PCDHA12: variants seen among roughly 807,000 people sequenced by gnomAD.
The protein encoded by PCDHA12 is protocadherin alpha 12.
PCDHA12 carries 44 observed loss-of-function variants against 60.0 expected under a neutral mutation model. The ratio of observed to expected loss-of-function variants is 0.73; its 90% confidence interval spans 0.58 to 0.94. The LOEUF is 0.94. Among genes scored for constraint, PCDHA12 ranks in the 40% least tolerant of loss-of-function variants. The pLI is 0.00. For synonymous variants in PCDHA12, 569 were observed against 553.0 expected, an observed-to-expected ratio of 1.03 and a Z score of -0.40; for missense variants, 1,276 against 1,239.7, an observed-to-expected ratio of 1.03 and a Z score of -0.44.
Position 141,010,268 on chromosome 5 carries a change from A to T in PCDHA12, c.*331A>T. 1 of 1,551,622 alleles carries T rather than the reference A, an allele frequency of 6.4e-7. No homozygotes were observed. Among genetic ancestry groups the T allele is most frequent in the Non-Finnish European group, 8.7e-7 (1 of 1,146,964 alleles). On this transcript the variant is annotated 3_prime_UTR_variant, in exon 4 of 4. Coordinates refer to ENST00000398631, the MANE Select transcript of PCDHA12 (RefSeq NM_018903.4). ...GGACTCTCTGCCCTGTGCTCCGGGG[A>T]TCCTGTCTTGATGACACTTGCAGGG...
chr5:140,968,935 C>T, intron 1 of PCDHA12: 1 of 1,614,172 alleles, frequency 6.2e-7, no homozygotes, highest in Non-Finnish European at 8.5e-7. Context: ...TTTTGACAAT[C>T]ATCATTTTGA....
At chr5:140,973,800 C>A (rs1554235613) in intron 1 of PCDHA12, among the ~76,000 whole-genome samples, 1 of 152,236 alleles carries the variant, frequency 6.6e-6, no homozygotes, top group Non-Finnish European at 1.5e-5. Context: ...ATGCTGTCTA[C>A]TTGACAGAAT....
intron 1 of PCDHA12, among the ~76,000 whole-genome samples, chr5:140,880,237 T>C (rs2058279701): frequency 6.6e-6 from 1 of 152,148 alleles, no homozygotes; most frequent in Non-Finnish European, 1.5e-5. Flanking sequence ...AATTAGTGTA[T>C]GTGCGTGTGT....
At chr5:140,973,400 A>G (rs2096585870) in intron 1 of PCDHA12, among the ~76,000 whole-genome samples, 1 of 152,244 alleles carries the variant, frequency 6.6e-6, no homozygotes, top group Non-Finnish European at 1.5e-5. Flanking sequence ...AATCATATCT[A>G]TGAGCTTCCA....
chr5:140,967,707 C>G, intron 1 of PCDHA12: 1 of 1,614,158 alleles, frequency 6.2e-7, no homozygotes, highest in Non-Finnish European at 8.5e-7. Flanking sequence ...GATGCCAGTA[C>G]CGGGGAAGTG....
chr5:140,933,130 AAGGTAGAT>A (rs1554209200), intron 1 of PCDHA12, among the ~76,000 whole-genome samples: 1 of 151,994 alleles, frequency 6.6e-6, no homozygotes, highest in East Asian at 1.9e-4. Context: ...CTAAATAATA[AAGGTAGAT>A]AGCCACTCAT....
chr5:140,923,033 A>T (rs6895136), intron 1 of PCDHA12, among the ~76,000 whole-genome samples: 8,640 of 152,308 alleles, frequency 0.057, 727 homozygotes, highest in African/African-American at 0.19. Flanking sequence ...CTCTATTACT[A>T]CATGTATAGT....
intron 1 of PCDHA12, chr5:140,882,353 G>A (rs782054546): frequency 2.5e-6 from 4 of 1,614,174 alleles, no homozygotes; most frequent in Non-Finnish European, 3.4e-6. Flanking sequence ...GACGGGTAGT[G>A]GCCAGCTCCA....
At chr5:140,936,875 C>T (rs1052156307) in intron 1 of PCDHA12, among the ~76,000 whole-genome samples, 13 of 151,832 alleles carry the variant, frequency 8.6e-5, no homozygotes, top group Non-Finnish European at 1.5e-5. Flanking sequence ...TTTAAAAAAC[C>T]CTGCTTTGAT....
rs368334312 is a variant in PCDHA12 at position 140,876,999 on chromosome 5, G to T, written c.1527G>T (p.Ser509=). The part of the protein sequence containing the change: ...VGEHALSSYV[S]VHAESGKVYA... ...AGCACGCACTGTCGAGCTACGTGTC[G>T]GTGCACGCGGAGAGCGGCAAGGTGT... is the stretch of plus-strand genomic sequence containing the variant. The change falls in exon 1 of 4, where the codon TCG becomes TCT. Residue 509 remains serine (S), a synonymous_variant. Coordinates refer to ENST00000398631, the MANE Select transcript of PCDHA12 (RefSeq NM_018903.4). 2 of 1,612,546 alleles carry T rather than the reference G, an allele frequency of 1.2e-6. No individual in the cohort carries two copies. Among genetic ancestry groups the T allele is most frequent in the Non-Finnish European group, 1.7e-6 (2 of 1,179,788 alleles).
chr5:141,001,764 G>A (rs1186356180), intron 3 of PCDHA12, among the ~76,000 whole-genome samples: 1 of 152,160 alleles, frequency 6.6e-6, no homozygotes, highest in East Asian at 1.9e-4. Context: ...GATGGCGGAT[G>A]GTTTTTGCCT....
chr5:140,911,907 C>T (rs926309943), intron 1 of PCDHA12, among the ~76,000 whole-genome samples: 2 of 152,110 alleles, frequency 1.3e-5, no homozygotes, highest in Admixed American at 6.6e-5. Flanking sequence ...AGTCAGAGCT[C>T]TCTAGAGGAC....
chr5:140,875,929 C>T lies in PCDHA12; in HGVS notation c.457C>T (p.Pro153Ser), dbSNP rs1554168093. 2.5e-6 allele frequency: 4 copies of T among 1,614,154 alleles called. No individual in the cohort carries two copies. Among genetic ancestry groups the T allele is most frequent in the East Asian group, 2.2e-5 (1 of 44,886 alleles). The change falls in exon 1 of 4, where the codon CCT becomes TCT. Residue 153 changes from proline (P) to serine (S), a missense_variant. Coordinates refer to ENST00000398631, the MANE Select transcript of PCDHA12 (RefSeq NM_018903.4). ...SESAPLDSHFPLEGASDADIG... is the reference protein window; with the variant it reads ...SESAPLDSHFSLEGASDADIG... The stretch of plus-strand genomic sequence containing the variant: ...ATCTGCGCCTCTGGACTCTCATTTT[C>T]CTCTAGAGGGCGCTTCTGATGCGGA...
intron 1 of PCDHA12, among the ~76,000 whole-genome samples, chr5:140,957,259 T>A (rs1554222896): frequency 6.6e-6 from 1 of 152,182 alleles, no homozygotes; most frequent in Admixed American, 6.5e-5. Context: ...TTTAAATATG[T>A]AAGCACTAGT....
At position 140,876,029 on chromosome 5, in the gene PCDHA12, A is replaced by C; in HGVS notation, c.557A>C (p.Lys186Thr). 6.2e-7 allele frequency: 1 copy of C among 1,613,700 alleles called. No individual in the cohort carries two copies. The highest frequency in any genetic ancestry group is 8.5e-7 in the Non-Finnish European group (1 of 1,179,820). The change falls in exon 1 of 4, where the codon AAA (lysine) becomes ACA (threonine). Residue 186 changes from lysine to threonine, a missense_variant. Lys to Thr is a moderately conservative substitution (Grantham distance 78, BLOSUM62 -1). Transcript: ENST00000398631. ...TTTGAGCTTAAAATAAAAACAAAAA[A>C]AGATAAAAGTATATTGCCTGAATTA... is the stretch of plus-strand genomic sequence containing the variant. ...ENFELKIKTK[K>T]DKSILPELVL... is the part of the protein sequence containing the mutation.
At chr5:140,908,165 G>T (rs1422050863) in intron 1 of PCDHA12, among the ~76,000 whole-genome samples, 1 of 152,222 alleles carries the variant, frequency 6.6e-6, no homozygotes, top group African/African-American at 2.4e-5. Context: ...GGGCTGTAGT[G>T]CTGCAGCTGT....
rs200121350 is a variant in PCDHA12 at position 140,876,941 on chromosome 5, T to C, written c.1469T>C (p.Val490Ala). The C allele has an allele frequency of 7.9e-5, 128 of 1,613,666 alleles. No individual in the cohort carries two copies. The Middle Eastern group carries it at 1.4e-3, about 17-fold the overall frequency. ...GCGGACGCGCAGAAGAACGCGCTGGTGTCCTACTCGCTGGTGGAGCGGCGG... is the reference window on the plus strand; with the variant it reads ...GCGGACGCGCAGAAGAACGCGCTGGCGTCCTACTCGCTGGTGGAGCGGCGG... ...WDADAQKNAL[V>A]SYSLVERRVG... Residue 490 changes from valine to alanine, a missense_variant, in exon 1 of 4, where the codon GTG (valine) becomes GCG (alanine). By Grantham distance (64) the Val-to-Ala change is moderately conservative (BLOSUM62 0). Coordinates refer to ENST00000398631, the MANE Select transcript of PCDHA12 (RefSeq NM_018903.4).
intron 1 of PCDHA12, chr5:140,928,746 C>A (rs782813323): frequency 6.2e-7 from 1 of 1,614,130 alleles, no homozygotes. Context: ...TAGGTGAGCT[C>A]CGTACTGCTC....
At chr5:140,926,185 GCAGCACTT>G (rs1563077744) in intron 1 of PCDHA12, among the ~76,000 whole-genome samples, 1 of 151,672 alleles carries the variant, frequency 6.6e-6, no homozygotes, top group East Asian at 1.9e-4. Flanking sequence ...AAAGCCCCCC[GCAGCACTT>G]CTTTCGGGGG....
Sources: gnomAD v4.1 joint callset for allele counts (sites outside exome capture counted in the v4.1 genomes callset) on GRCh38, gnomAD v4.1.1 for gene constraint, MANE v1.5 for transcripts, NCBI Gene and HGNC (gene_info 2026-07-23, HGNC 2026-07-21) for gene names.